Variants in SEMA6D observed in about 807,000 individuals in gnomAD.
SEMA6D encodes the protein semaphorin 6D, also known as semaphorin-6D.
In SEMA6D, 35 loss-of-function variants were observed where a neutral mutation model predicts 106.6. The ratio of observed to expected loss-of-function variants is 0.33; its 90% CI spans 0.25 to 0.44. The LOEUF (loss-of-function observed/expected upper bound fraction) is 0.44. SEMA6D is among the 20% of genes least tolerant of loss of function. SEMA6D has a pLI of 1.00. For synonymous variants in SEMA6D, 499 were observed against 487.7 expected (o/e 1.02, Z -0.31); for missense variants, 1,185 against 1,345.9 (o/e 0.88, Z 1.87).
At chr15:47,188,585 G>T (rs535678383) in intron 1 of SEMA6D, among the ~76,000 whole-genome samples, 107 of 152,176 alleles carry the variant, frequency 7.0e-4, no homozygotes, top group African/African-American at 2.6e-3. Context: ...CAGAGCCCAT[G>T]GGAGATTTAA....
intron 4 of SEMA6D, among the ~76,000 whole-genome samples, chr15:47,711,245 G>T (rs1474018405): frequency 7.1e-6 from 1 of 140,006 alleles, no homozygotes; most frequent in African/African-American, 2.7e-5. Context: ...GGGAGGCGGA[G>T]CTTGCAGTGA....
At chr15:47,294,178 CTG>C (rs1440363110) in intron 1 of SEMA6D, among the ~76,000 whole-genome samples, 1 of 151,984 alleles carries the variant, frequency 6.6e-6, no homozygotes, top group Non-Finnish European at 1.5e-5. Context: ...AAAAAAAAGA[CTG>C]TGGGAATCTC....
At chr15:47,385,065 T>TTTTA (rs35758807) in intron 1 of SEMA6D, among the ~76,000 whole-genome samples, 5 of 137,156 alleles carry the variant, frequency 3.6e-5, no homozygotes, top group African/African-American at 1.4e-4. Context: ...TTTTTTTTTT[T>TTTTA]ACCATAGAAC....
chr15:47,756,807 TC>T (rs1247928125), intron 1 of SEMA6D, among the ~76,000 whole-genome samples: 4 of 152,046 alleles, frequency 2.6e-5, no homozygotes, highest in Admixed American at 2.0e-4. Flanking sequence ...TTCAGGTATT[TC>T]CAGATTCTTC....
intron 4 of SEMA6D, among the ~76,000 whole-genome samples, chr15:47,660,910 G>GT (rs1566967842): frequency 1.3e-5 from 2 of 152,262 alleles, no homozygotes; most frequent in East Asian, 3.9e-4. Flanking sequence ...TCTTAATAAA[G>GT]TTAGGTTTTG....
chr15:47,349,650 A>G lies in SEMA6D; in HGVS notation c.-238-62743A>G, dbSNP rs193080055. Among the ~76,000 whole-genome samples the G allele has an allele frequency of 1.3e-3, 202 of 152,320 alleles. 1 individual carries two copies. Among genetic ancestry groups the G allele is most frequent in the African/African-American group, 4.6e-3 (190 of 41,578 alleles). On this transcript the variant is annotated intron_variant, in intron 1 of 19. Coordinates refer to the SEMA6D transcript ENST00000558014. ...TAACTGCATTTAAGCAGAGATTGCT[A>G]TTACCAAAAGATGCGGAAAAGAAAG... is the stretch of plus-strand genomic sequence containing the variant.
At chr15:47,765,545 G>A (rs2082290313) in intron 13 of SEMA6D, 1 of 748,082 alleles carries the variant, frequency 1.3e-6, no homozygotes, top group Non-Finnish European at 1.7e-6. Flanking sequence ...GAGAGAACCA[G>A]AACCATCTAA....
intron 1 of SEMA6D, among the ~76,000 whole-genome samples, chr15:47,328,898 T>C (rs1327916573): frequency 6.6e-6 from 1 of 152,250 alleles, no homozygotes; most frequent in African/African-American, 2.4e-5. Flanking sequence ...TTATTCTCCA[T>C]TGAGTCATAT....
chr15:47,389,246 A>G (rs1275311730), intron 1 of SEMA6D, among the ~76,000 whole-genome samples: 1 of 152,352 alleles, frequency 6.6e-6, no homozygotes, highest in East Asian at 1.9e-4. Context: ...GCATATATAA[A>G]GTGCCTAGAA....
At chr15:47,399,585 C>G (rs2040330048) in intron 1 of SEMA6D, 1 of 152,202 alleles carries the variant, frequency 6.6e-6, no homozygotes, top group African/African-American at 2.4e-5. Context: ...AGAATATGAC[C>G]TTCCACAATT....
At chr15:47,504,857 G>A (rs1001677177) in intron 3 of SEMA6D, among the ~76,000 whole-genome samples, 4 of 152,062 alleles carry the variant, frequency 2.6e-5, no homozygotes, top group Non-Finnish European at 4.4e-5. Flanking sequence ...GAGTGTCTGC[G>A]GGAATCATCT....
intron 1 of SEMA6D, among the ~76,000 whole-genome samples, chr15:47,329,920 C>T (rs929393789): frequency 1.3e-5 from 2 of 152,136 alleles, no homozygotes; most frequent in African/African-American, 2.4e-5. Flanking sequence ...AACTGCACAC[C>T]GCCTTTGTGA....
chr15:47,731,963 C>T (rs1162612554), intron 1 of SEMA6D, among the ~76,000 whole-genome samples: 1 of 152,170 alleles, frequency 6.6e-6, no homozygotes. Context: ...GGAAACCCAT[C>T]CTGTTTCCTT....
intron 4 of SEMA6D, among the ~76,000 whole-genome samples, chr15:47,685,985 G>T (rs2078459521): frequency 6.6e-6 from 1 of 152,218 alleles, no homozygotes; most frequent in African/African-American, 2.4e-5. Flanking sequence ...TGGAGAGCAG[G>T]TGGGTGTGGA....
chr15:47,296,342 G>T (rs997172908), intron 1 of SEMA6D, among the ~76,000 whole-genome samples: 1 of 152,144 alleles, frequency 6.6e-6, no homozygotes, highest in Admixed American at 6.5e-5. Context: ...AATAGCAGTT[G>T]CCACCATCTT....
chr15:47,540,103 A>G (rs971579055), intron 3 of SEMA6D, among the ~76,000 whole-genome samples: 5 of 152,002 alleles, frequency 3.3e-5, no homozygotes, highest in African/African-American at 9.7e-5. Flanking sequence ...GGATGTGTCT[A>G]CTGCTCTGGG....
At chr15:47,414,530 A>C (rs2040899109) in intron 2 of SEMA6D, among the ~76,000 whole-genome samples, 1 of 152,216 alleles carries the variant, frequency 6.6e-6, no homozygotes, top group African/African-American at 2.4e-5. Context: ...TACAACTCAC[A>C]TCTGGACCAC....
chr15:47,739,623 A>G (rs2080678471), intron 1 of SEMA6D, among the ~76,000 whole-genome samples: 1 of 152,202 alleles, frequency 6.6e-6, no homozygotes, highest in South Asian at 2.1e-4. Context: ...GTTGACAGCC[A>G]TATGTATGAG....
intron 1 of SEMA6D, among the ~76,000 whole-genome samples, chr15:47,188,380 C>T (rs183939897): frequency 1.5e-3 from 221 of 152,100 alleles, no homozygotes; most frequent in Non-Finnish European, 2.6e-3. Flanking sequence ...TTTCCTGTAA[C>T]GTGAAGACTA....
Sources: allele counts gnomAD v4.1 joint callset (sites outside exome capture counted in the v4.1 genomes callset), GRCh38; gene constraint gnomAD v4.1.1; transcripts MANE v1.5; gene names NCBI Gene and HGNC (gene_info 2026-07-23, HGNC 2026-07-21).